The following STIM2 variants were observed in gnomAD, a reference collection of about 807,000 sequenced individuals.
The protein encoded by STIM2 is stromal interaction molecule 2.
STIM2 carries 31 observed loss-of-function variants against 85.8 expected under a neutral mutation model. The ratio of observed to expected loss-of-function variants is 0.36; its 90% CI spans 0.27 to 0.49. The LOEUF (loss-of-function observed/expected upper bound fraction) is 0.49, where lower values mean the gene tolerates loss of function less well. Among genes scored for constraint, STIM2 ranks in the 20% least tolerant of loss-of-function variants. The probability of loss-of-function intolerance (pLI) is 0.98; values close to 1 mark genes in which losing one functional copy is unlikely to be tolerated. For synonymous variants in STIM2, 356 were observed against 331.1 expected, an observed-to-expected ratio of 1.08 and a Z score of -0.82; for missense variants, 841 against 927.6, an observed-to-expected ratio of 0.91 and a Z score of 1.21.
At chr4:26,893,069 G>A (rs928895394) in intron 1 of STIM2, among the ~76,000 whole-genome samples, 1 of 152,176 alleles carries the variant, frequency 6.6e-6, no homozygotes, top group African/African-American at 2.4e-5. Flanking sequence ...CACTACCCCT[G>A]CATCCTTCAG....
rs193282010 is a variant in STIM2, at chr4:26,963,275, C to A, written c.397+5549C>A. 4.9e-3 allele frequency among the ~76,000 whole-genome samples: 738 copies of A among 151,898 alleles called. 8 individuals carry two copies. Among genetic ancestry groups the A allele is most frequent in the African/African-American group, 0.017 (707 of 41,452 alleles). On this transcript the variant is annotated intron_variant, in intron 3 of 11. Transcript: ENST00000467087. ...ATAAATATTTTAAAAATATCTAGAA[C>A]CTTTATATCCATAAGATTTTTCTTC...
chr4:26,938,038 C>T (rs1333560132), intron 2 of STIM2, among the ~76,000 whole-genome samples: 1 of 149,528 alleles, frequency 6.7e-6, no homozygotes, highest in Non-Finnish European at 1.5e-5. Context: ...ATTTAAATAG[C>T]TTAAATTTAA....
chr4:27,008,641 A>T, intron 9 of STIM2, 113 bp downstream of exon 9: 1 of 1,154,690 alleles, frequency 8.7e-7, no homozygotes, highest in Non-Finnish European at 1.2e-6. Context: ...CATTAGTTTT[A>T]AGAGTGGGTT....
Position 27,023,165 on chromosome 4 carries a change from CTTAT to C in STIM2, c.*173_*176del. ...CAGAAGGGCAACTGTCTACTGTCTG[CTTAT>C]TTAAGTGACTATATATAATCAATTC... On this transcript the variant is annotated 3_prime_UTR_variant, in exon 12 of 12. Coordinates refer to ENST00000467087, the MANE Select transcript of STIM2 (RefSeq NM_020860.4). 1.5e-6 allele frequency: 1 copy of C among 649,914 alleles called. No homozygotes were observed. Among genetic ancestry groups the C allele is most frequent in the South Asian group, 1.9e-5 (1 of 52,572 alleles). 40.3% of individuals were successfully genotyped at this position (649,914 alleles called of 1,614,324 possible).
chr4:26,888,394 TATC>T (rs1231888690), intron 1 of STIM2, among the ~76,000 whole-genome samples: 1 of 152,234 alleles, frequency 6.6e-6, no homozygotes, highest in African/African-American at 2.4e-5. Flanking sequence ...ATAACTTAAA[TATC>T]ATGATGTAAA....
intron 3 of STIM2, among the ~76,000 whole-genome samples, chr4:26,963,451 C>T (rs1244646806): frequency 6.4e-5 from 3 of 46,688 alleles, no homozygotes; most frequent in Non-Finnish European, 9.1e-5. Context: ...GAACTTAAAA[C>T]GTAAGCCTTG....
At chr4:26,967,119 A>T (rs1302614055) in intron 3 of STIM2, among the ~76,000 whole-genome samples, 1 of 152,240 alleles carries the variant, frequency 6.6e-6, no homozygotes, top group East Asian at 1.9e-4. Flanking sequence ...AATGAAACAG[A>T]ATGGCACTTT....
At chr4:26,878,626 A>G (rs1722895624) in intron 1 of STIM2, among the ~76,000 whole-genome samples, 1 of 151,890 alleles carries the variant, frequency 6.6e-6, no homozygotes, top group South Asian at 2.1e-4. Flanking sequence ...CTGTTCTCTT[A>G]TTTAGCCACT....
chr4:26,909,850 G>A (rs1326536736), intron 1 of STIM2, among the ~76,000 whole-genome samples: 2 of 152,170 alleles, frequency 1.3e-5, no homozygotes, highest in East Asian at 3.8e-4. Context: ...TGCTCATAAC[G>A]TGGTTAATGA....
At chr4:26,993,639 G>A (rs1206640684) in intron 3 of STIM2, among the ~76,000 whole-genome samples, 1 of 152,006 alleles carries the variant, frequency 6.6e-6, no homozygotes, top group Non-Finnish European at 1.5e-5. Context: ...TAGTCTATAA[G>A]CATTAACCCT....
chr4:26,888,841 C>A (rs1484545720), intron 1 of STIM2, among the ~76,000 whole-genome samples: 1 of 152,166 alleles, frequency 6.6e-6, no homozygotes, highest in Admixed American at 6.5e-5. Flanking sequence ...GTATTCTGGA[C>A]TTAGTCTTTC....
intron 1 of STIM2, among the ~76,000 whole-genome samples, chr4:26,866,520 A>G (rs1226581674): frequency 1.3e-5 from 2 of 152,168 alleles, no homozygotes; most frequent in African/African-American, 4.8e-5. Context: ...TCTTGTGGAG[A>G]TAAGTGAAAA....
chr4:26,898,704 T>A (rs1227198942), intron 1 of STIM2, among the ~76,000 whole-genome samples: 1 of 152,190 alleles, frequency 6.6e-6, no homozygotes, highest in Admixed American at 6.5e-5. Flanking sequence ...GATTAATAAG[T>A]TGATATCCTT....
At chr4:27,011,150 G>A (rs1173660112) in intron 10 of STIM2, among the ~76,000 whole-genome samples, 2 of 152,114 alleles carry the variant, frequency 1.3e-5, no homozygotes, top group Admixed American at 6.5e-5. Context: ...TTATGCTAAA[G>A]CCTGTTGTAC....
Position 26,995,479 on chromosome 4 carries a change from G to A in STIM2, c.498G>A (p.Thr166=), listed in dbSNP as rs145166909. ...TTAGAGACAACAATGTCAAAGGAAC[G>A]ACACTTCCCAGGTGAGTCTTTGTTA... The change falls in exon 4 of 12, where the codon ACG becomes ACA. Residue 166 remains threonine (T), a synonymous_variant. Transcript: ENST00000467087. 7 of 1,594,684 alleles carry A rather than the reference G, an allele frequency of 4.4e-6. No homozygotes were observed. Among genetic ancestry groups the A allele is most frequent in the East Asian group, 4.6e-5 (2 of 43,672 alleles).
At chr4:26,958,665 A>G (rs1341631925) in intron 3 of STIM2, among the ~76,000 whole-genome samples, 2 of 151,728 alleles carry the variant, frequency 1.3e-5, no homozygotes, top group Admixed American at 1.3e-4. Flanking sequence ...TATGCACTTA[A>G]AAGAAAAATA....
chr4:26,922,246 AATAGAGGTAATTT>A (rs1399201756), intron 2 of STIM2, among the ~76,000 whole-genome samples: 5 of 151,924 alleles, frequency 3.3e-5, no homozygotes, highest in African/African-American at 7.2e-5. Context: ...ATTTTTATAA[AATAGAGGTAATTT>A]ATAGAGGTAA....
At chr4:26,935,936 G>A (rs1467853762) in intron 2 of STIM2, among the ~76,000 whole-genome samples, 1 of 151,972 alleles carries the variant, frequency 6.6e-6, no homozygotes, top group Non-Finnish European at 1.5e-5. Flanking sequence ...CTTGTTTTCT[G>A]CTCCTGTATT....
intron 7 of STIM2, 145 bp from the exon 8 acceptor site, chr4:27,007,382 TACTGTA>T (rs755828131): frequency 1.8e-4 from 78 of 435,304 alleles, no homozygotes; most frequent in Non-Finnish European, 2.8e-4. Context: ...GCTAGAAATC[TACTGTA>T]TTTAGACTTT....
Sources: allele counts gnomAD v4.1 joint callset (sites outside exome capture counted in the v4.1 genomes callset), GRCh38; gene constraint gnomAD v4.1.1; transcripts MANE v1.5; gene names NCBI Gene and HGNC (gene_info 2026-07-23, HGNC 2026-07-21).